PEPD: variants seen among roughly 807,000 people sequenced by gnomAD.
The protein encoded by PEPD is peptidase D, also known as xaa-Pro dipeptidase.
In PEPD, 53 loss-of-function variants were observed where a neutral mutation model predicts 60.7. The observed-to-expected ratio is 0.87, with a 90% confidence interval of 0.70 to 1.10. The LOEUF is 1.10. PEPD is among the 50% of genes least tolerant of loss of function. PEPD has a pLI of 0.00. For missense variants in PEPD, 711 were observed against 711.9 expected, an observed-to-expected ratio of 1.00 and a Z score of 0.01; for synonymous variants, 267 against 284.1, an observed-to-expected ratio of 0.94 and a Z score of 0.60.
intron 3 of PEPD, among the ~76,000 whole-genome samples, chr19:33,507,884 C>A (rs113510349): frequency 9.2e-5 from 14 of 152,236 alleles, no homozygotes; most frequent in South Asian, 2.1e-4. Context: ...AACGGAGAGG[C>A]CTGCTCGGGG....
At chr19:33,402,701 C>G (rs1329270697) in intron 11 of PEPD, among the ~76,000 whole-genome samples, 4 of 152,198 alleles carry the variant, frequency 2.6e-5, no homozygotes, top group African/African-American at 9.7e-5. Flanking sequence ...CACCCTGGCA[C>G]CCTCCGGTGG....
At chr19:33,407,028 T>G (rs10425465) in intron 11 of PEPD, among the ~76,000 whole-genome samples, 50,098 of 152,026 alleles carry the variant, frequency 0.33, 10,058 homozygotes, top group African/African-American at 0.56. Flanking sequence ...TCTGGCCAGT[T>G]CTGGAAGGAC....
chr19:33,432,097 G>A (rs1488295292), intron 9 of PEPD, among the ~76,000 whole-genome samples: 3 of 151,770 alleles, frequency 2.0e-5, no homozygotes, highest in Admixed American at 2.0e-4. Flanking sequence ...GCCACTCTGG[G>A]AAGAAAGTGC....
At chr19:33,497,290 C>A (rs1405851821) in intron 4 of PEPD, among the ~76,000 whole-genome samples, 1 of 152,236 alleles carries the variant, frequency 6.6e-6, no homozygotes, top group Non-Finnish European at 1.5e-5. Context: ...GACTTGGTGA[C>A]CCTCGGACCT....
At chr19:33,518,989 T>C (rs557531343) in intron 1 of PEPD, among the ~76,000 whole-genome samples, 1 of 151,982 alleles carries the variant, frequency 6.6e-6, no homozygotes, top group South Asian at 2.1e-4. Flanking sequence ...GTTGGGTGAG[T>C]GTGCAAGGGA....
rs4805035 is a variant in PEPD, at chr19:33,415,204, C to G, written c.672-1561G>C. 2.8e-4 allele frequency among the ~76,000 whole-genome samples: 42 copies of G among 151,868 alleles called. 1 individual carries two copies. In the South Asian group the frequency reaches 8.3e-3, roughly 30 times the overall value. On this transcript the variant is annotated intron_variant, in intron 9 of 14. Coordinates refer to ENST00000244137, the MANE Select transcript of PEPD (RefSeq NM_000285.4). ...AGATGTGGTCCTGCACCAACAGAAG[C>G]GAACCTCAGAGGTCACATGGTCATT...
At chr19:33,416,081 C>T (rs1380727385) in intron 9 of PEPD, among the ~76,000 whole-genome samples, 4 of 152,212 alleles carry the variant, frequency 2.6e-5, no homozygotes, top group African/African-American at 4.8e-5. Flanking sequence ...GAGCCCGGCG[C>T]GGCACAGTTC....
intron 6 of PEPD, among the ~76,000 whole-genome samples, chr19:33,488,256 G>A (rs1970433471): frequency 1.3e-5 from 2 of 152,114 alleles, no homozygotes; most frequent in South Asian, 4.1e-4. Flanking sequence ...TTGCATGCGG[G>A]CAACTGTCAC....
Position 33,391,330 on chromosome 19 carries a change from C to T in PEPD, c.1117G>A (p.Gly373Ser). Residue 373 changes from glycine to serine, a missense_variant, in exon 13 of 15, where the codon GGC (glycine) becomes AGC (serine). Transcript: ENST00000244137. ...FMPHGLGHFL[G>S]IDVHDVGGYP... is the part of the protein sequence containing the mutation. ...CCTCCCACGTCGTGCACGTCAATGC[C>T]CAGGAAGTGGCCAAGCCCGTGAGGC... is the stretch of plus-strand genomic sequence containing the variant. 1 of 1,612,118 alleles carries T rather than the reference C, an allele frequency of 6.2e-7. No individual in the cohort carries two copies. The highest frequency in any genetic ancestry group is 8.5e-7 in the Non-Finnish European group (1 of 1,179,638).
chr19:33,399,726 C>A (rs955437078), intron 12 of PEPD, among the ~76,000 whole-genome samples: 13 of 152,228 alleles, frequency 8.5e-5, no homozygotes, highest in Non-Finnish European at 1.8e-4. Flanking sequence ...GACCGCCGAG[C>A]CATCAAGTTC....
intron 4 of PEPD, among the ~76,000 whole-genome samples, chr19:33,493,851 C>T (rs1269116299): frequency 6.6e-6 from 1 of 152,172 alleles, no homozygotes; most frequent in Non-Finnish European, 1.5e-5. Flanking sequence ...TCTGTCCCTC[C>T]ACCATGACCC....
chr19:33,413,714 C>A (rs1968831163), intron 9 of PEPD, 71 bp from the exon 10 acceptor site: 1 of 940,310 alleles, frequency 1.1e-6, no homozygotes, highest in African/African-American at 1.6e-5. Flanking sequence ...GCCCCATGAA[C>A]CCCAAGGGAA....
intron 9 of PEPD, among the ~76,000 whole-genome samples, chr19:33,418,804 T>A (rs8182584): frequency 2.0e-5 from 3 of 151,996 alleles, no homozygotes; most frequent in South Asian, 4.1e-4. Context: ...ATGAGCACCC[T>A]CTGAGGCTCC....
At chr19:33,432,719 C>T (rs1441385984) in intron 9 of PEPD, among the ~76,000 whole-genome samples, 1 of 152,238 alleles carries the variant, frequency 6.6e-6, no homozygotes, top group Admixed American at 6.5e-5. Context: ...TTCGCCAAAT[C>T]CCCCTGGACA....
intron 9 of PEPD, among the ~76,000 whole-genome samples, chr19:33,460,562 CTT>C (rs1468077679): frequency 1.3e-5 from 2 of 152,186 alleles, no homozygotes; most frequent in Non-Finnish European, 2.9e-5. Flanking sequence ...GCCTCCATCT[CTT>C]GTTCTTCCTG....
intron 9 of PEPD, among the ~76,000 whole-genome samples, chr19:33,424,881 G>T (rs1024179775): frequency 6.6e-6 from 1 of 152,082 alleles, no homozygotes; most frequent in Admixed American, 6.5e-5. Context: ...AAAACCATCA[G>T]ATCTCATAAG....
intron 7 of PEPD, among the ~76,000 whole-genome samples, chr19:33,474,094 G>A (rs892619865): frequency 6.6e-6 from 1 of 152,194 alleles, no homozygotes; most frequent in Non-Finnish European, 1.5e-5. Context: ...AGGAAGCCAA[G>A]CATCTGCCCC....
chr19:33,392,962 G>A (rs1318405540), intron 12 of PEPD, among the ~76,000 whole-genome samples: 2 of 152,120 alleles, frequency 1.3e-5, no homozygotes, highest in African/African-American at 4.8e-5. Context: ...AGGCGGGCTG[G>A]GGGTGCACGG....
intron 4 of PEPD, among the ~76,000 whole-genome samples, chr19:33,494,800 G>A (rs779410385): frequency 7.2e-5 from 11 of 152,166 alleles, no homozygotes; most frequent in Non-Finnish European, 1.0e-4. Flanking sequence ...AAATAACAGC[G>A]CAGCCCAGAT....
Sources: allele counts gnomAD v4.1 joint callset (sites outside exome capture counted in the v4.1 genomes callset), GRCh38; gene constraint gnomAD v4.1.1; transcripts MANE v1.5; gene names NCBI Gene and HGNC (gene_info 2026-07-23, HGNC 2026-07-21).